Variants in SLC38A3 observed in about 807,000 individuals in gnomAD.
SLC38A3 encodes sodium-coupled neutral amino acid transporter 3.
In SLC38A3, 17 loss-of-function variants were observed where a neutral mutation model predicts 59.5. That is an observed-to-expected ratio of 0.29 (90% CI 0.20 to 0.43). The LOEUF (loss-of-function observed/expected upper bound fraction) is 0.43. Among genes scored for constraint, SLC38A3 ranks in the 20% least tolerant of loss-of-function variants. The pLI is 1.00. For missense variants in SLC38A3, 454 were observed against 653.9 expected (o/e 0.69, Z 3.33); for synonymous variants, 238 against 260.3 (o/e 0.91, Z 0.82).
chr3:50,211,568 CTTTTT>C (rs765148889), intron 1 of SLC38A3, among the ~76,000 whole-genome samples: 269 of 81,208 alleles, frequency 3.3e-3, no homozygotes, highest in African/African-American at 0.011. Context: ...TGCCCCCATC[CTTTTT>C]TTTTTTTTTT....
intron 14 of SLC38A3, among the ~76,000 whole-genome samples, chr3:50,219,342 C>T (rs1699865743): frequency 6.6e-6 from 1 of 152,200 alleles, no homozygotes; most frequent in African/African-American, 2.4e-5. Context: ...ATGCTCCATC[C>T]ACTGCCTCAT....
Position 50,214,941 on chromosome 3 carries a change from C to T in SLC38A3, c.299+173C>T, listed in dbSNP as rs1031073677. ...CATCCACAGCCAAACAAATATACCTCACTGCCCAGTAAACCGACTGAGGTC... is the reference window on the plus strand; with the variant it reads ...CATCCACAGCCAAACAAATATACCTTACTGCCCAGTAAACCGACTGAGGTC... On this transcript the variant is annotated intron_variant, in intron 4 of 15. Transcript: ENST00000614032. This position sits in a 1 kb window ranked among gnomAD's most constrained non-coding sequence, Gnocchi z 6.0. 2 of 630,430 alleles carry T rather than the reference C, an allele frequency of 3.2e-6. No homozygotes were observed. The highest frequency in any genetic ancestry group is 5.6e-6 in the Non-Finnish European group (2 of 356,066). The allele number at this position is 630,430 out of a possible 1,614,324, so 39.1% of individuals were successfully genotyped here. A position where few individuals can be genotyped will look rare whatever the true frequency, so the allele number is the denominator to read the frequency against.
Position 50,214,108 on chromosome 3 carries a change from C to T in SLC38A3, c.-51-41C>T. 4.0e-6 allele frequency: 5 copies of T among 1,264,474 alleles called. No homozygotes were observed. Among genetic ancestry groups the T allele is most frequent in the Non-Finnish European group, 5.6e-6 (5 of 890,330 alleles). The allele number at this position is 1,264,474 out of a possible 1,614,324, so 78.3% of individuals were successfully genotyped here. On this transcript the variant is annotated intron_variant, in intron 1 of 15. Coordinates refer to ENST00000614032, the MANE Select transcript of SLC38A3 (RefSeq NM_006841.6). This position sits in a 1 kb window ranked among gnomAD's most constrained non-coding sequence, Gnocchi z 6.0. ...TCAGGTAGGAGGCTAGGCCGTAGGC[C>T]CAAGTAACGGGGCTAACCAGAGGGA...
At chr3:50,212,365 C>T (rs758976957) in intron 1 of SLC38A3, among the ~76,000 whole-genome samples, 6 of 152,160 alleles carry the variant, frequency 3.9e-5, no homozygotes, top group Non-Finnish European at 7.4e-5. Flanking sequence ...TAGCTCTGGA[C>T]GCCAGCACTG....
At position 50,218,494 on chromosome 3, in the gene SLC38A3, T is replaced by A; in HGVS notation, c.1037-99T>A. On this transcript the variant is annotated intron_variant, in intron 12 of 15. Transcript: ENST00000614032. The surrounding 1 kb of genome is among the most constrained non-coding windows in gnomAD (Gnocchi z 5.8). ...TGTGCCTTGCCGCTGTGGAGGTGAG[T>A]CTGCATGCCAATCCCCACAGTGTTG... is the stretch of plus-strand genomic sequence containing the variant. The A allele has an allele frequency of 6.3e-7, 1 of 1,576,508 alleles. No individual in the cohort carries two copies. The highest frequency in any genetic ancestry group is 8.7e-7 in the Non-Finnish European group (1 of 1,154,334).
At chr3:50,208,211 C>T (rs1057059403) in intron 1 of SLC38A3, among the ~76,000 whole-genome samples, 1 of 152,160 alleles carries the variant, frequency 6.6e-6, no homozygotes, top group Non-Finnish European at 1.5e-5. Context: ...CCCTGGCTCC[C>T]TCTCCCCTTC....
At chr3:50,213,107 C>T (rs374192427) in intron 1 of SLC38A3, among the ~76,000 whole-genome samples, 3 of 152,066 alleles carry the variant, frequency 2.0e-5, no homozygotes, top group Non-Finnish European at 1.5e-5. Flanking sequence ...GTCTGGGCAG[C>T]GGGCAGGGGT....
chr3:50,220,282 T>A lies in SLC38A3; in HGVS notation c.*105T>A. 1.2e-6 allele frequency: 1 copy of A among 862,784 alleles called. No individual in the cohort carries two copies. Among genetic ancestry groups the A allele is most frequent in the Non-Finnish European group, 1.9e-6 (1 of 538,116 alleles). 53.4% of individuals were successfully genotyped at this position (862,784 alleles called of 1,614,324 possible). A position where few individuals can be genotyped will look rare whatever the true frequency, so the allele number is the denominator to read the frequency against. ...AGTCGGGGGAGGAGAAAGACGCGAT[T>A]AACACTGTGGCATTCAGCCAGGCCC... On this transcript the variant is annotated 3_prime_UTR_variant, in exon 16 of 16. Coordinates refer to ENST00000614032, the MANE Select transcript of SLC38A3 (RefSeq NM_006841.6).
In SLC38A3 at chr3:50,217,813, T is replaced by G. The variant is rs995795286; in HGVS notation, c.828T>G (p.Thr276=). 1 of 1,614,042 alleles carries G rather than the reference T, an allele frequency of 6.2e-7. No individual in the cohort carries two copies. The highest frequency in any genetic ancestry group is 1.3e-5 in the African/African-American group (1 of 75,056). Residue 276 remains threonine (T), a synonymous_variant, in exon 10 of 16, where the codon ACT becomes ACG. Coordinates refer to ENST00000614032, the MANE Select transcript of SLC38A3 (RefSeq NM_006841.6). This position sits in a 1 kb window ranked among gnomAD's most constrained non-coding sequence, Gnocchi z 4.9. The part of the protein sequence containing the change: ...QVEPEASAFC[T]PSYFTLNSQT... ...AGCCTGAGGCTTCAGCCTTCTGCAC[T>G]CCCAGCTACTTCACGCTCAACTCAC... is the stretch of plus-strand genomic sequence containing the variant.
Position 50,214,552 on chromosome 3 carries a change from T to C in SLC38A3, c.183+69T>C. The C allele has an allele frequency of 6.7e-7, 1 of 1,483,394 alleles. No individual in the cohort carries two copies. The highest frequency in any genetic ancestry group is 9.2e-7 in the Non-Finnish European group (1 of 1,083,196). 91.9% of individuals were successfully genotyped at this position (1,483,394 alleles called of 1,614,324 possible). On this transcript the variant is annotated intron_variant, in intron 3 of 15. Transcript: ENST00000614032. This position sits in a 1 kb window ranked among gnomAD's most constrained non-coding sequence, Gnocchi z 6.0. ...TTGGATGCAGTAATGAGGTGGTCTC[T>C]GGCAGCAGTGGGAGGCTGAGGGACA... is the stretch of plus-strand genomic sequence containing the variant.
At position 50,215,632 on chromosome 3, in the gene SLC38A3, C is replaced by G. The variant is rs774193705; in HGVS notation, c.462C>G (p.Ile154Met). 8.1e-6 allele frequency: 13 copies of G among 1,613,606 alleles called. No individual in the cohort carries two copies. The highest frequency in any genetic ancestry group is 1.1e-5 in the Non-Finnish European group (13 of 1,179,826). Reference sequence around the variant, plus strand: ...CCCTGGCCATCACGCTCCAGAACATCGGAGGTAAGAGCAGTGGGCAGGGGC... The same window carrying G: ...CCCTGGCCATCACGCTCCAGAACATGGGAGGTAAGAGCAGTGGGCAGGGGC... ...AAALAITLQN[I>M]GAMSSYLYII... The change falls in exon 6 of 16, where the codon ATC becomes ATG. Residue 154 changes from isoleucine (I) to methionine (M), a missense_variant. Physicochemically the swap from Ile to Met is conservative, Grantham distance 10. Transcript: ENST00000614032. The surrounding 1 kb of genome is among the most constrained non-coding windows in gnomAD (Gnocchi z 7.1).
Position 50,218,549 on chromosome 3 carries a change from C to T in SLC38A3, c.1037-44C>T, listed in dbSNP as rs1418367840. The stretch of plus-strand genomic sequence containing the variant: ...CCCCTAGGCAGCTCAGATCCCACCT[C>T]CTTCCTGGGGCCACCTACTGACCAC... On this transcript the variant is annotated intron_variant, in intron 12 of 15. Transcript: ENST00000614032. This position sits in a 1 kb window ranked among gnomAD's most constrained non-coding sequence, Gnocchi z 5.8. 8 of 1,599,998 alleles carry T rather than the reference C, an allele frequency of 5.0e-6. No individual in the cohort carries two copies. The highest frequency in any genetic ancestry group is 6.8e-6 in the Non-Finnish European group (8 of 1,172,480).
chr3:50,217,836 C>T lies in SLC38A3; in HGVS notation c.851C>T (p.Ser284Leu). Residue 284 changes from serine (S) to leucine (L), a missense_variant, in exon 10 of 16, where the codon TCA becomes TTA. Transcript: ENST00000614032. This position sits in a 1 kb window ranked among gnomAD's most constrained non-coding sequence, Gnocchi z 4.9. ...FCTPSYFTLN[S>L]QTAYTIPIMA... ...ACTCCCAGCTACTTCACGCTCAACT[C>T]ACAGGTTCTGACAGGTCAGGGCAAG... 1 of 1,614,084 alleles carries T rather than the reference C, an allele frequency of 6.2e-7. No individual in the cohort carries two copies. The highest frequency in any genetic ancestry group is 8.5e-7 in the Non-Finnish European group (1 of 1,179,916).
chr3:50,219,734 G>A (rs1366915860), intron 14 of SLC38A3, 147 bp from the exon 15 acceptor site: 7 of 657,358 alleles, frequency 1.1e-5, no homozygotes, highest in Non-Finnish European at 1.9e-5. Context: ...GGAGAGGCTG[G>A]TGGGCTAGAA....
chr3:50,214,664 G>T lies in SLC38A3; in HGVS notation c.195G>T (p.Lys65Asn). The stretch of plus-strand genomic sequence containing the variant: ...TCTGGTGCCTGCAGTTCGAGGGGAA[G>T]ACATCATTCGGGATGTCAGTGTTCA... ...KEPHFTDFEG[K>N]TSFGMSVFNL... The change falls in exon 4 of 16, where the codon AAG becomes AAT. Residue 65 changes from lysine (K) to asparagine (N), a missense_variant. Lys to Asn is a moderately conservative substitution (Grantham distance 94). Coordinates refer to ENST00000614032, the MANE Select transcript of SLC38A3 (RefSeq NM_006841.6). The surrounding 1 kb of genome is among the most constrained non-coding windows in gnomAD (Gnocchi z 6.0). 1 of 1,608,922 alleles carries T rather than the reference G, an allele frequency of 6.2e-7. No individual in the cohort carries two copies. The highest frequency in any genetic ancestry group is 8.5e-7 in the Non-Finnish European group (1 of 1,176,088).
rs1575427069 is a variant in SLC38A3, at chr3:50,218,071, G to A, written c.935+75G>A. ...GGGGAGAATGGATGTGGTCCTGAAT[G>A]TGGAGAGGGGAGTGACAGGAGCCAA... On this transcript the variant is annotated intron_variant, in intron 11 of 15. Coordinates refer to ENST00000614032, the MANE Select transcript of SLC38A3 (RefSeq NM_006841.6). The surrounding 1 kb of genome is among the most constrained non-coding windows in gnomAD (Gnocchi z 5.8). 4 of 1,446,440 alleles carry A rather than the reference G, an allele frequency of 2.8e-6. No homozygotes were observed. In the East Asian group the frequency reaches 9.3e-5, roughly 33 times the overall value. 89.6% of individuals were successfully genotyped at this position (1,446,440 alleles called of 1,614,324 possible).
chr3:50,213,474 A>G lies in SLC38A3; in HGVS notation c.-51-675A>G, dbSNP rs373873225. 2.7e-4 allele frequency among the ~76,000 whole-genome samples: 41 copies of G among 152,344 alleles called. 2 individuals carry two copies. Among genetic ancestry groups the G allele is most frequent in the East Asian group, 1.3e-3 (7 of 5,188 alleles). Reference sequence around the variant, plus strand: ...TGCTGCAGCCAGGCGGGAAGGGCCCAGGTGTCCAGCCACCCAGCACCGCCT... The same window carrying G: ...TGCTGCAGCCAGGCGGGAAGGGCCCGGGTGTCCAGCCACCCAGCACCGCCT... On this transcript the variant is annotated intron_variant, in intron 1 of 15. Transcript: ENST00000614032.
At chr3:50,206,435 G>C (rs1294447948) in intron 1 of SLC38A3, among the ~76,000 whole-genome samples, 2 of 152,210 alleles carry the variant, frequency 1.3e-5, no homozygotes, top group Admixed American at 1.3e-4. Flanking sequence ...ACCCCTTCCT[G>C]TTCTGTTCTG....
Position 50,218,709 on chromosome 3 carries a change from C to G in SLC38A3, c.1153C>G (p.Leu385Val), listed in dbSNP as rs967639708. 5.6e-6 allele frequency: 9 copies of G among 1,609,242 alleles called. No homozygotes were observed. Among genetic ancestry groups the G allele is most frequent in the Non-Finnish European group, 7.7e-6 (9 of 1,175,890 alleles). ...TAVTLTVPIV[L>V]FPVRRAIQQM... The stretch of plus-strand genomic sequence containing the variant: ...AGTCACGCTCACAGTGCCCATCGTT[C>G]TGTTCCCGGTGAGCTGGTGGGCAGG... Residue 385 changes from leucine (L) to valine (V), a missense_variant, in exon 13 of 16, where the codon CTG becomes GTG. Leu to Val is a conservative substitution (Grantham distance 32, BLOSUM62 1). This residue lies in a region of SLC38A3 where 390 missense variants were observed against 557.9 expected (regional missense o/e 0.70). Coordinates refer to ENST00000614032, the MANE Select transcript of SLC38A3 (RefSeq NM_006841.6). This position sits in a 1 kb window ranked among gnomAD's most constrained non-coding sequence, Gnocchi z 5.8.
Sources: allele counts gnomAD v4.1 joint callset (sites outside exome capture counted in the v4.1 genomes callset), GRCh38; gene constraint gnomAD v4.1.1; regional missense constraint gnomAD v4.1.1; non-coding constraint Gnocchi (gnomAD v3.1); transcripts MANE v1.5; gene names NCBI Gene and HGNC (gene_info 2026-07-23, HGNC 2026-07-21).